CACNA1F: variants seen among roughly 807,000 people sequenced by gnomAD.
CACNA1F encodes voltage-dependent L-type calcium channel subunit alpha-1F.
A neutral mutation model predicts 143.8 loss-of-function variants in CACNA1F; 59 were observed. The observed-to-expected ratio is 0.41, with a 90% CI of 0.33 to 0.51. CACNA1F has a LOEUF of 0.51. CACNA1F is among the 20% of genes least tolerant of loss of function. The probability of loss-of-function intolerance (pLI) is 0.22; values close to 1 mark genes in which losing one functional copy is unlikely to be tolerated. For synonymous variants in CACNA1F, 643 were observed against 649.1 expected (o/e 0.99, Z 0.14); for missense variants, 1,411 against 1,647.5 (o/e 0.86, Z 2.48).
At position 49,231,298 on chromosome X, in the gene CACNA1F, G is replaced by A. The variant is rs1244401373; in HGVS notation, c.285C>T (p.Asp95=). The A allele has an allele frequency of 3.3e-5, 38 of 1,151,025 alleles. No individual in the cohort carries two copies. The highest frequency in any genetic ancestry group is 4.1e-5 in the Non-Finnish European group (35 of 859,302). The allele number at this position is 1,151,025 out of a possible 1,213,427, so 94.9% of individuals were successfully genotyped here. A position where few individuals can be genotyped will look rare whatever the true frequency, so the allele number is the denominator to read the frequency against. The stretch of plus-strand genomic sequence containing the variant: ...CAAAGATGGTCAGCAGGATGAGGAT[G>A]TCGAAGGGCCTCAGGTGGACACAGT... ...CISIVEWKPF[D]ILILLTIFAN... is the part of the protein sequence containing the mutation. Residue 95 remains aspartate, a synonymous_variant, in exon 3 of 48, where the codon GAC becomes GAT. Coordinates refer to ENST00000323022, the MANE Select transcript of CACNA1F (RefSeq NM_001256789.3).
chrX:49,233,130 G>C (rs782607189), intron 1 of CACNA1F, 155 bp downstream of exon 1: 3 of 530,618 alleles, frequency 5.7e-6, no homozygotes, highest in Non-Finnish European at 9.8e-6. Flanking sequence ...TCTGGTGGCA[G>C]AGAGGCTGTT....
At chrX:49,220,081 C>T (rs188189016) in intron 19 of CACNA1F, among the ~76,000 whole-genome samples, 1,602 of 111,376 alleles carry the variant, frequency 0.014, 15 homozygotes, top group Non-Finnish European at 0.025. Flanking sequence ...TTCTCTTCTT[C>T]TTGTTTTTCT....
Position 49,210,689 on chromosome X carries a change from G to A in CACNA1F, c.4389-3C>T. The A allele has an allele frequency of 8.4e-7, 1 of 1,197,509 alleles. No individual in the cohort carries two copies. Among genetic ancestry groups the A allele is most frequent in the Non-Finnish European group, 1.1e-6 (1 of 884,530 alleles). ...CATCCAAGTGTTTGATGCGGCCCCT[G>A]GAGGAGTTGGGGAGGTACCACTGGA... is the stretch of plus-strand genomic sequence containing the variant. On this transcript the variant is annotated splice_polypyrimidine_tract_variant and splice_region_variant and intron_variant, in intron 37 of 47. Coordinates refer to ENST00000323022, the MANE Select transcript of CACNA1F (RefSeq NM_001256789.3).
At chrX:49,221,668 G>A (rs1415541343) in intron 17 of CACNA1F, among the ~76,000 whole-genome samples, 1 of 106,223 alleles carries the variant, frequency 9.4e-6, no homozygotes, top group Non-Finnish European at 1.9e-5. Context: ...CCCGGGCATC[G>A]CTGGTATTTT....
chrX:49,233,288 T>C lies in CACNA1F; in HGVS notation c.22A>G (p.Lys8Glu). The C allele has an allele frequency of 8.3e-7, 1 of 1,209,761 alleles. No homozygotes were observed. ...AGGGATGGAAGGATTCTCTCACCTTTCCCGCCTTCAGATTCCGACATCTTT... is the reference window on the plus strand; with the variant it reads ...AGGGATGGAAGGATTCTCTCACCTTCCCCGCCTTCAGATTCCGACATCTTT... MSESEGG[K>E]DTTPEPSPAN... Residue 8 changes from lysine (K) to glutamate (E), a missense_variant, in exon 1 of 48, where the codon AAA becomes GAA. Coordinates refer to ENST00000323022, the MANE Select transcript of CACNA1F (RefSeq NM_001256789.3).
In CACNA1F at chrX:49,217,805, C is replaced by T; in HGVS notation, c.3039G>A (p.Gly1013=). ...FACIGVQLFK[G]KFYTCTDEAK... is the part of the protein sequence containing the mutation. ...CCTCGTCCGTGCAGGTGTAGAATTTCCCCTGTAGAGAGGATGTCTGTCAAG... is the reference window on the plus strand; with the variant it reads ...CCTCGTCCGTGCAGGTGTAGAATTTTCCCTGTAGAGAGGATGTCTGTCAAG... The change falls in exon 26 of 48, where the codon GGG becomes GGA. Residue 1013 remains glycine, a splice_region_variant and synonymous_variant. Coordinates refer to ENST00000323022, the MANE Select transcript of CACNA1F (RefSeq NM_001256789.3). 8.3e-7 allele frequency: 1 copy of T among 1,208,479 alleles called. No homozygotes were observed. Among genetic ancestry groups the T allele is most frequent in the East Asian group, 3.0e-5 (1 of 33,809 alleles).
Position 49,217,881 on chromosome X carries a change from T to C in CACNA1F, c.3036+17A>G, listed in dbSNP as rs782101521. On this transcript the variant is annotated intron_variant, in intron 25 of 47. Transcript: ENST00000323022. The stretch of plus-strand genomic sequence containing the variant: ...GCCCAGACCCCTGCCTGGCATTCCC[T>C]CCAGTGTTTGCCCCACCTTGAAGAG... The C allele has an allele frequency of 8.3e-7, 1 of 1,198,486 alleles. No homozygotes were observed. Among genetic ancestry groups the C allele is most frequent in the Non-Finnish European group, 1.1e-6 (1 of 883,460 alleles).
Position 49,219,363 on chromosome X carries a change from C to T in CACNA1F, c.2631G>A (p.Leu877=). The change falls in exon 21 of 48, where the codon CTG becomes CTA. Residue 877 remains leucine (L), a synonymous_variant. Transcript: ENST00000323022. Reference sequence around the variant, plus strand: ...GGGCTCGGATGGGGTCCTCAGCGGCCAGGGACACACTGCTGAGGATGATGA... The same window carrying T: ...GGGCTCGGATGGGGTCCTCAGCGGCTAGGGACACACTGCTGAGGATGATGA... ...LVFIILSSVS[L]AAEDPIRAHS... 8.3e-7 allele frequency: 1 copy of T among 1,208,342 alleles called. No individual in the cohort carries two copies. Among genetic ancestry groups the T allele is most frequent in the Non-Finnish European group, 1.1e-6 (1 of 893,604 alleles).
chrX:49,208,892 C>T (rs1238608062), intron 42 of CACNA1F: 2 of 453,264 alleles, frequency 4.4e-6, no homozygotes, highest in Non-Finnish European at 7.7e-6. Context: ...GTGGCATGAT[C>T]ACAGCTCACT....
intron 8 of CACNA1F, among the ~76,000 whole-genome samples, chrX:49,227,779 A>G (rs1372795046): frequency 8.9e-6 from 1 of 112,356 alleles, no homozygotes; most frequent in African/African-American, 3.2e-5. Context: ...TGTGTGTGCC[A>G]ATATATAAAT....
intron 25 of CACNA1F, 24 bp from the exon 26 acceptor site, chrX:49,217,831 T>A (rs781980299): frequency 8.3e-7 from 1 of 1,201,018 alleles, no homozygotes; most frequent in Non-Finnish European, 1.1e-6. Context: ...GTCTGTCAAG[T>A]AGGTTCACCC....
At chrX:49,226,902 G>A (rs1485409726) in intron 9 of CACNA1F, 68 bp downstream of exon 9, 2 of 1,190,142 alleles carry the variant, frequency 1.7e-6, no homozygotes, top group Non-Finnish European at 2.3e-6. Context: ...CACATCTAAG[G>A]CATGCAGGGA....
intron 17 of CACNA1F, 29 bp downstream of exon 17, chrX:49,222,493 A>C (rs781962846): frequency 6.9e-6 from 8 of 1,162,725 alleles, no homozygotes; most frequent in Non-Finnish European, 9.4e-6. Context: ...CCAGAGAGAG[A>C]CTGTGTTAGG....
intron 26 of CACNA1F, among the ~76,000 whole-genome samples, 173 bp downstream of exon 26, chrX:49,217,582 G>A (rs925069171): frequency 9.1e-6 from 1 of 110,332 alleles, no homozygotes; most frequent in African/African-American, 3.3e-5. Flanking sequence ...AATGCGGAGA[G>A]GGATTTGGGG....
intron 14 of CACNA1F, among the ~76,000 whole-genome samples, chrX:49,223,790 G>A (rs1208064543): frequency 1.0e-5 from 1 of 99,896 alleles, no homozygotes; most frequent in Non-Finnish European, 2.0e-5. Context: ...GGAGTGCAGT[G>A]GCACAATCTC....
chrX:49,217,421 C>G (rs1557107686), intron 26 of CACNA1F, among the ~76,000 whole-genome samples: 1 of 112,441 alleles, frequency 8.9e-6, no homozygotes, highest in African/African-American at 3.2e-5. Flanking sequence ...GTACCTAAGT[C>G]TCATGAAGTG....
chrX:49,207,054 C>T lies in CACNA1F; in HGVS notation c.5182G>A (p.Gly1728Arg). The change falls in exon 44 of 48, where the codon GGA becomes AGA. Residue 1728 changes from glycine to arginine, a missense_variant. By Grantham distance (125) the Gly-to-Arg change is moderately radical. This residue lies in a region of CACNA1F where 349 missense variants were observed against 350.2 expected (regional missense o/e 1.00). Transcript: ENST00000323022. ...TCTTGCTTGTTTTGCCCTTTGGTTCCCTTGGGCTGAGAATTTCCTTCTTCT... is the reference window on the plus strand; with the variant it reads ...TCTTGCTTGTTTTGCCCTTTGGTTCTCTTGGGCTGAGAATTTCCTTCTTCT... ...IPEEGNSQPKGTKGQNKQDED... is the reference protein window; with the variant it reads ...IPEEGNSQPKRTKGQNKQDED... 1 of 1,202,558 alleles carries T rather than the reference C, an allele frequency of 8.3e-7. No individual in the cohort carries two copies. The highest frequency in any genetic ancestry group is 2.3e-4 in the Middle Eastern group (1 of 4,333).
rs782537377 is a variant in CACNA1F at position 49,226,658 on chromosome X, G to A, written c.1321C>T (p.Arg441Cys). 21 of 1,184,053 alleles carry A rather than the reference G, an allele frequency of 1.8e-5. No individual in the cohort carries two copies. Among genetic ancestry groups the A allele is most frequent in the Non-Finnish European group, 2.2e-5 (19 of 881,577 alleles). ...GAGCGAGTAGAATGACTGAACCAGC[G>A]CAGACGTCCACGCCTCCTATTGGTC... ...ELTNRRRGRL[R>C]WFSHSTRSTH... Residue 441 changes from arginine (R) to cysteine (C), a missense_variant, in exon 10 of 48, where the codon CGC (arginine) becomes TGC (cysteine). Physicochemically the swap from Arg to Cys is radical, Grantham distance 180 (BLOSUM62 -3). Coordinates refer to ENST00000323022, the MANE Select transcript of CACNA1F (RefSeq NM_001256789.3).
rs782816657 is a variant in CACNA1F, at chrX:49,216,410, T to C, written c.3208A>G (p.Thr1070Ala). 5.8e-6 allele frequency: 7 copies of C among 1,209,140 alleles called. No homozygotes were observed. The Admixed American group carries it at 1.5e-4, about 26-fold the overall frequency. The change falls in exon 27 of 48, where the codon ACT becomes GCT. Residue 1070 changes from threonine (T) to alanine (A), a missense_variant. By Grantham distance (58) the Thr-to-Ala change is moderately conservative. Around this residue, in one of 3 missense-constraint regions of CACNA1F, gnomAD observed 950 missense variants for 1,128.1 expected, o/e 0.84. Coordinates refer to ENST00000323022, the MANE Select transcript of CACNA1F (RefSeq NM_001256789.3). Reference sequence around the variant, plus strand: ...GGCCAGCCTTCAAAGGTGGAGACAGTGAACAGGGCCATCATGGCTGAAAGG... The same window carrying C: ...GGCCAGCCTTCAAAGGTGGAGACAGCGAACAGGGCCATCATGGCTGAAAGG... ...NVLSAMMALF[T>A]VSTFEGWPAL...
Sources: allele counts gnomAD v4.1 joint callset (sites outside exome capture counted in the v4.1 genomes callset), GRCh38; gene constraint gnomAD v4.1.1; regional missense constraint gnomAD v4.1.1; transcripts MANE v1.5; gene names NCBI Gene and HGNC (gene_info 2026-07-23, HGNC 2026-07-21).